Variants in PGCKA1 observed in about 807,000 individuals in gnomAD.
PGCKA1 encodes the protein PDCD10 and GCKIII kinases associated 1.
chr4:37,455,724 A>T, the PGCKA1 span, among the ~76,000 whole-genome samples: 7 of 152,234 alleles, frequency 4.6e-5, no homozygotes, highest in Admixed American at 1.3e-4. Context: ...TTGACGTCCC[A>T]CCCAGACCCT....
At chr4:37,513,841 A>T in the PGCKA1 span, among the ~76,000 whole-genome samples, 3 of 152,224 alleles carry the variant, frequency 2.0e-5, no homozygotes, top group African/African-American at 7.2e-5. Context: ...TGTAGGGAGT[A>T]AAGGATGGAG....
the PGCKA1 span, among the ~76,000 whole-genome samples, chr4:37,528,033 G>T: frequency 6.6e-6 from 1 of 152,106 alleles, no homozygotes; most frequent in Non-Finnish European, 1.5e-5. Flanking sequence ...ATGTGTCTTT[G>T]TAGTGTGACC....
the PGCKA1 span, among the ~76,000 whole-genome samples, chr4:37,531,758 G>C: frequency 1.1e-4 from 16 of 151,490 alleles, no homozygotes; most frequent in Admixed American, 9.8e-4. Context: ...CGGGCGTGGT[G>C]GTGGGTGCCT....
chr4:37,539,040 G>A, the PGCKA1 span, among the ~76,000 whole-genome samples: 5 of 152,134 alleles, frequency 3.3e-5, no homozygotes, highest in South Asian at 2.1e-4. Context: ...CATAGCACTC[G>A]CACCTGAATG....
the PGCKA1 span, among the ~76,000 whole-genome samples, chr4:37,509,505 C>T: frequency 3.3e-5 from 5 of 151,278 alleles, no homozygotes; most frequent in East Asian, 9.8e-4. Flanking sequence ...AGGCGCTCCT[C>T]ACTTCCCAGA....
chr4:37,550,083 G>C, the PGCKA1 span, among the ~76,000 whole-genome samples: 1 of 152,128 alleles, frequency 6.6e-6, no homozygotes, highest in East Asian at 1.9e-4. Context: ...AACTCCAAAA[G>C]GAACCTGTTT....
chr4:37,495,049 C>A, the PGCKA1 span, among the ~76,000 whole-genome samples: 1 of 150,968 alleles, frequency 6.6e-6, no homozygotes, highest in Non-Finnish European at 1.5e-5. Flanking sequence ...AAAAAAAAAC[C>A]CCATCAAAAA....
the PGCKA1 span, among the ~76,000 whole-genome samples, chr4:37,562,598 G>T: frequency 5.3e-4 from 81 of 152,182 alleles, 1 homozygote; most frequent in Non-Finnish European, 2.2e-4. Context: ...AGTTCTCCTG[G>T]AATGTGCTCT....
the PGCKA1 span, among the ~76,000 whole-genome samples, chr4:37,483,472 C>G: frequency 6.6e-6 from 1 of 152,186 alleles, no homozygotes; most frequent in Admixed American, 6.5e-5. Context: ...CAGGCAAGGT[C>G]TGGTGGTCCA....
the PGCKA1 span, among the ~76,000 whole-genome samples, chr4:37,485,542 C>T: frequency 6.6e-6 from 1 of 152,104 alleles, no homozygotes; most frequent in East Asian, 1.9e-4. Context: ...GCCTCCAGAA[C>T]TTTAAGAAAT....
At chr4:37,554,139 T>C in the PGCKA1 span, among the ~76,000 whole-genome samples, 2 of 152,030 alleles carry the variant, frequency 1.3e-5, no homozygotes. Context: ...TAAAGGGCAG[T>C]TCCCCTGCAC....
At chr4:37,590,524 G>A in the PGCKA1 span, 2 of 1,614,094 alleles carry the variant, frequency 1.2e-6, no homozygotes, top group East Asian at 2.2e-5. Flanking sequence ...AGGGACCCAA[G>A]TCATGAGAAA....
chr4:37,493,729 C>G, the PGCKA1 span, among the ~76,000 whole-genome samples: 1 of 152,110 alleles, frequency 6.6e-6, no homozygotes, highest in Non-Finnish European at 1.5e-5. Flanking sequence ...CTCCATGGCC[C>G]CACTACCCTT....
the PGCKA1 span, among the ~76,000 whole-genome samples, chr4:37,534,856 T>C: frequency 4.6e-5 from 7 of 152,182 alleles, no homozygotes; most frequent in Non-Finnish European, 1.0e-4. Context: ...ACATATGGAT[T>C]TTGGAGGGAC....
the PGCKA1 span, among the ~76,000 whole-genome samples, chr4:37,564,588 C>A: frequency 2.0e-5 from 3 of 151,976 alleles, no homozygotes; most frequent in East Asian, 5.8e-4. Flanking sequence ...CTCACTGTAA[C>A]CTCCGCCTCT....
At chr4:37,471,098 C>A in the PGCKA1 span, among the ~76,000 whole-genome samples, 1 of 152,282 alleles carries the variant, frequency 6.6e-6, no homozygotes, top group South Asian at 2.1e-4. Flanking sequence ...AAAACATTAA[C>A]TAAATTTCGC....
At chr4:37,554,100 A>T in the PGCKA1 span, among the ~76,000 whole-genome samples, 2 of 152,140 alleles carry the variant, frequency 1.3e-5, no homozygotes. Context: ...CATGATACTG[A>T]ATAAATCTCA....
At chr4:37,506,819 C>A in the PGCKA1 span, among the ~76,000 whole-genome samples, 1 of 151,944 alleles carries the variant, frequency 6.6e-6, no homozygotes, top group Non-Finnish European at 1.5e-5. Flanking sequence ...GCAGATAAAG[C>A]CTGATGTTTC....
At chr4:37,563,246 C>G in the PGCKA1 span, among the ~76,000 whole-genome samples, 1 of 152,128 alleles carries the variant, frequency 6.6e-6, no homozygotes, top group Non-Finnish European at 1.5e-5. Flanking sequence ...GTGGCTTAAA[C>G]AAAAGAAATT....
Sources: allele counts gnomAD v4.1 joint callset (sites outside exome capture counted in the v4.1 genomes callset), GRCh38; gene constraint gnomAD v4.1.1; transcripts MANE v1.5; gene names NCBI Gene and HGNC (gene_info 2026-07-23, HGNC 2026-07-21).